Variants in SEC14L3 observed in about 807,000 individuals in gnomAD.
The protein encoded by SEC14L3 is SEC14-like protein 3.
A neutral mutation model predicts 57.4 loss-of-function variants in SEC14L3; 56 were observed. That is an observed-to-expected ratio of 0.97 (90% confidence interval 0.79 to 1.22). The LOEUF is 1.22. Among genes scored for constraint, SEC14L3 ranks in the 50% most tolerant of loss-of-function variants. SEC14L3 has a pLI of 0.00. For missense variants in SEC14L3, 485 were observed against 511.7 expected (o/e 0.95, Z 0.50); for synonymous variants, 173 against 194.4 (o/e 0.89, Z 0.92).
intron 2 of SEC14L3, 118 bp from the exon 3 acceptor site, chr22:30,470,373 C>G: frequency 1.7e-5 from 27 of 1,592,114 alleles, no homozygotes; most frequent in Non-Finnish European, 2.3e-5. Flanking sequence ...CTACCCCCTT[C>G]CCTCCTCTGG....
chr22:30,469,983 C>T (rs377399649), intron 4 of SEC14L3, 36 bp downstream of exon 4: 60 of 1,471,782 alleles, frequency 4.1e-5, no homozygotes, highest in African/African-American at 1.7e-4. Flanking sequence ...GTGGTACGTC[C>T]GTGAAAGACT....
chr22:30,455,123 A>C (rs1935091574), downstream of SEC14L3, among the ~76,000 whole-genome samples: 1 of 97,282 alleles, frequency 1.0e-5, no homozygotes, highest in South Asian at 2.7e-4. Context: ...AATATTTAAT[A>C]TATATTATAT....
Position 30,468,543 on chromosome 22 carries a change from G to T in SEC14L3, c.388C>A (p.Arg130Ser), listed in dbSNP as rs774977397. ...LLKTKMRDCE[R>S]ILHECDLQTE... is the part of the protein sequence containing the mutation. ...TGCAGGTCACACTCATGCAGGATGCGCTCACAGTCCCTCATCTTGGTCTTG... is the reference window on the plus strand; with the variant it reads ...TGCAGGTCACACTCATGCAGGATGCTCTCACAGTCCCTCATCTTGGTCTTG... Residue 130 changes from arginine to serine, a missense_variant, in exon 5 of 12, where the codon CGC becomes AGC. Coordinates refer to ENST00000215812, the MANE Select transcript of SEC14L3 (RefSeq NM_174975.5). 1.6e-5 allele frequency: 26 copies of T among 1,613,666 alleles called. No individual in the cohort carries two copies. The highest frequency in any genetic ancestry group is 1.9e-5 in the Non-Finnish European group (23 of 1,179,884).
downstream of SEC14L3, among the ~76,000 whole-genome samples, chr22:30,459,051 C>T (rs1024794588): frequency 6.6e-6 from 1 of 152,018 alleles, no homozygotes; most frequent in African/African-American, 2.4e-5. Flanking sequence ...AACGAACACC[C>T]CCTGCCCCAG....
At chr22:30,458,407 C>T (rs1327833206), downstream of SEC14L3, among the ~76,000 whole-genome samples, 1 of 152,160 alleles carries the variant, frequency 6.6e-6, no homozygotes, top group Non-Finnish European at 1.5e-5. Flanking sequence ...TATTGTGGGT[C>T]TCTATGGCCT....
chr22:30,456,665 G>C (rs1935125938), downstream of SEC14L3, among the ~76,000 whole-genome samples: 1 of 152,138 alleles, frequency 6.6e-6, no homozygotes, highest in African/African-American at 2.4e-5. Flanking sequence ...CCAACATCGG[G>C]GGCCACATTT....
At position 30,461,369 on chromosome 22, in the gene SEC14L3, C is replaced by T. The variant is rs769890308; in HGVS notation, c.1022G>A (p.Arg341His). The T allele has an allele frequency of 2.0e-5, 32 of 1,613,668 alleles. No individual in the cohort carries two copies. The highest frequency in any genetic ancestry group is 6.7e-5 in the East Asian group (3 of 44,884). Residue 341 changes from arginine to histidine, a missense_variant, in exon 11 of 12, where the codon CGC (arginine) becomes CAC (histidine). Coordinates refer to ENST00000215812, the MANE Select transcript of SEC14L3 (RefSeq NM_174975.5). Reference protein sequence around the residue: ...GEMTDVLPSQRYNAHMVPEDG... With the variant: ...GEMTDVLPSQHYNAHMVPEDG... Reference sequence around the variant, plus strand: ...CTCGGGCACCATGTGGGCGTTATAGCGCTGGCTGGGTAGAACATCTGTCAT... The same window carrying T: ...CTCGGGCACCATGTGGGCGTTATAGTGCTGGCTGGGTAGAACATCTGTCAT...
intron 8 of SEC14L3, among the ~76,000 whole-genome samples, chr22:30,464,191 C>A (rs997895150): frequency 6.6e-6 from 1 of 152,120 alleles, no homozygotes; most frequent in African/African-American, 2.4e-5. Flanking sequence ...TCTTTCTGCT[C>A]GTCTGCCTCA....
At chr22:30,456,108 G>C (rs1242935165), downstream of SEC14L3, among the ~76,000 whole-genome samples, 1 of 152,028 alleles carries the variant, frequency 6.6e-6, no homozygotes, top group Non-Finnish European at 1.5e-5. Flanking sequence ...ACGAGTTCAA[G>C]ACCAACATGG....
At chr22:30,470,131 C>T (rs1219257231) in intron 3 of SEC14L3, 53 bp from the exon 4 acceptor site, 14 of 1,612,074 alleles carry the variant, frequency 8.7e-6, no homozygotes, top group Non-Finnish European at 1.2e-5. Context: ...GCCCTGAGAA[C>T]AGGGATGGAA....
chr22:30,452,335 G>A (rs188143353), intron 12 of SEC14L3, among the ~76,000 whole-genome samples: 156 of 138,280 alleles, frequency 1.1e-3, no homozygotes, highest in African/African-American at 3.8e-3. Context: ...TGCAACCTCC[G>A]CCTCCCGGGT....
rs1425301408 is a variant in SEC14L3 at position 30,462,233 on chromosome 22, G to A, written c.665-41C>T. 5 of 1,576,818 alleles carry A rather than the reference G, an allele frequency of 3.2e-6. No homozygotes were observed. In the South Asian group the frequency reaches 4.7e-5, roughly 15 times the overall value. On this transcript the variant is annotated intron_variant, in intron 8 of 11. Transcript: ENST00000215812. Reference sequence around the variant, plus strand: ...TTCAAGGGTGGTTAGCAAGCATGGGGGGCACCAATTAGCCTCCCACACCCA... The same window carrying A: ...TTCAAGGGTGGTTAGCAAGCATGGGAGGCACCAATTAGCCTCCCACACCCA...
At chr22:30,448,594 C>T (rs1908915294) in exon 13 of SEC14L3, 1 of 146,286 alleles carries the variant, frequency 6.8e-6, no homozygotes, top group Non-Finnish European at 1.5e-5. Context: ...AAGCCCAGAC[C>T]AGGAGTGGTG....
intron 12 of SEC14L3, among the ~76,000 whole-genome samples, chr22:30,451,217 AC>A (rs1934974264): frequency 6.6e-6 from 1 of 152,144 alleles, no homozygotes; most frequent in African/African-American, 2.4e-5. Flanking sequence ...ACGCCACTGC[AC>A]CCACCATGAG....
In SEC14L3 at chr22:30,459,763, T is replaced by G; in HGVS notation, c.*258A>C. The stretch of plus-strand genomic sequence containing the variant: ...CTAGGGGATTCATTTTGCTATTTAT[T>G]GAGTTTCATGACACCCACTTCTTGC... On this transcript the variant is annotated 3_prime_UTR_variant, in exon 12 of 12. Transcript: ENST00000215812. 1 of 1,160,400 alleles carries G rather than the reference T, an allele frequency of 8.6e-7. No individual in the cohort carries two copies. The highest frequency in any genetic ancestry group is 4.1e-5 in the East Asian group (1 of 24,182). The allele number at this position is 1,160,400 out of a possible 1,614,324, so 71.9% of individuals were successfully genotyped here.
chr22:30,455,892 T>C (rs768945255), downstream of SEC14L3, among the ~76,000 whole-genome samples: 11 of 152,220 alleles, frequency 7.2e-5, no homozygotes, highest in Non-Finnish European at 1.3e-4. Flanking sequence ...GAACAGGAAC[T>C]TCTAAGTTAA....
rs144698023 is a variant in SEC14L3 at position 30,471,165 on chromosome 22, A to G, written c.55-583T>C. ...CCAGGTGTGGTGGCACATGCCTGTA[A>G]TCCCAGCTACTCAGGAGGCTGAGGC... On this transcript the variant is annotated intron_variant, in intron 1 of 11. Coordinates refer to ENST00000215812, the MANE Select transcript of SEC14L3 (RefSeq NM_174975.5). 2.8e-3 allele frequency: 1,057 copies of G among 371,164 alleles called. 6 individuals are homozygous for G. Among genetic ancestry groups the G allele is most frequent in the Middle Eastern group, 6.5e-3 (14 of 2,162 alleles). 23.0% of individuals were successfully genotyped at this position (371,164 alleles called of 1,614,324 possible). A position where few individuals can be genotyped will look rare whatever the true frequency, so the allele number is the denominator to read the frequency against.
At chr22:30,452,402 G>A (rs988992451) in intron 12 of SEC14L3, among the ~76,000 whole-genome samples, 3 of 151,668 alleles carry the variant, frequency 2.0e-5, no homozygotes, top group Non-Finnish European at 4.4e-5. Context: ...CGGCCACCAC[G>A]ACTGGCTAAT....
chr22:30,466,679 AC>A (rs1309809447), intron 6 of SEC14L3, among the ~76,000 whole-genome samples: 1 of 146,708 alleles, frequency 6.8e-6, no homozygotes, highest in African/African-American at 2.6e-5. Flanking sequence ...CAGTGTATAT[AC>A]ACTTTACATA....
Sources: allele counts gnomAD v4.1 joint callset (sites outside exome capture counted in the v4.1 genomes callset), GRCh38; gene constraint gnomAD v4.1.1; transcripts MANE v1.5; gene names NCBI Gene and HGNC (gene_info 2026-07-23, HGNC 2026-07-21).